The following ARHGEF3 variants were observed in gnomAD, a reference collection of about 807,000 sequenced individuals.
The protein encoded by ARHGEF3 is Rho guanine nucleotide exchange factor 3.
ARHGEF3 carries 28 observed loss-of-function variants against 63.2 expected under a neutral mutation model. The ratio of observed to expected loss-of-function variants is 0.44; its 90% CI spans 0.33 to 0.61. The LOEUF (loss-of-function observed/expected upper bound fraction) is 0.61, where lower values mean the gene tolerates loss of function less well. Ranked by LOEUF, ARHGEF3 falls within the 20% of genes least tolerant of loss-of-function variation. The probability of loss-of-function intolerance (pLI) is 0.03; values close to 1 mark genes in which losing one functional copy is unlikely to be tolerated. For synonymous variants in ARHGEF3, 266 were observed against 254.2 expected (o/e 1.05, Z -0.44); for missense variants, 533 against 659.3 (o/e 0.81, Z 2.10).
intron 4 of ARHGEF3, among the ~76,000 whole-genome samples, chr3:56,836,825 G>A (rs571999153): frequency 7.2e-4 from 110 of 152,254 alleles, no homozygotes; most frequent in African/African-American, 2.5e-3. Context: ...TACCTAGGAG[G>A]CTGAGGTGGG....
At chr3:56,845,560 C>T (rs1264947359) in intron 4 of ARHGEF3, among the ~76,000 whole-genome samples, 1 of 152,140 alleles carries the variant, frequency 6.6e-6, no homozygotes, top group Non-Finnish European at 1.5e-5. Flanking sequence ...TTGATTTTCC[C>T]TTTCCTTTCA....
chr3:56,928,149 G>A (rs139211278), intron 3 of ARHGEF3, among the ~76,000 whole-genome samples: 15 of 152,256 alleles, frequency 9.9e-5, no homozygotes, highest in South Asian at 4.1e-4. Context: ...AGAAGGGCAC[G>A]TGTTTCCCCA....
At chr3:56,933,918 G>A (rs765129537) in intron 3 of ARHGEF3, among the ~76,000 whole-genome samples, 35 of 152,146 alleles carry the variant, frequency 2.3e-4, no homozygotes, top group Admixed American at 1.2e-3. Flanking sequence ...ATGACAGTGA[G>A]TGAGTTCTCA....
chr3:57,030,832 GA>G (rs1703701159), intron 2 of ARHGEF3, among the ~76,000 whole-genome samples: 1 of 152,196 alleles, frequency 6.6e-6, no homozygotes, highest in Admixed American at 6.5e-5. Flanking sequence ...TCCAGAAATA[GA>G]AGCAGCAAGA....
chr3:57,064,053 G>C (rs1253040759), intron 1 of ARHGEF3, among the ~76,000 whole-genome samples: 1 of 152,212 alleles, frequency 6.6e-6, no homozygotes, highest in Non-Finnish European at 1.5e-5. Flanking sequence ...GACTGCCTGA[G>C]CTCAGGGGCT....
At chr3:56,767,050 C>T (rs1275620826) in intron 2 of ARHGEF3, among the ~76,000 whole-genome samples, 1 of 151,934 alleles carries the variant, frequency 6.6e-6, no homozygotes, top group African/African-American at 2.4e-5. Context: ...TAGCTCATGC[C>T]TATAATCCCA....
chr3:57,003,278 C>G (rs1702331904), intron 2 of ARHGEF3, among the ~76,000 whole-genome samples: 1 of 151,426 alleles, frequency 6.6e-6, no homozygotes, highest in Admixed American at 6.6e-5. Flanking sequence ...CGGCGCACTC[C>G]TGTAGTCCCA....
intron 3 of ARHGEF3, among the ~76,000 whole-genome samples, chr3:56,918,853 G>A (rs907420455): frequency 6.6e-6 from 1 of 152,156 alleles, no homozygotes. Flanking sequence ...TAGTAACATA[G>A]CATCACTGTC....
intron 4 of ARHGEF3, among the ~76,000 whole-genome samples, chr3:56,846,311 G>C (rs1007175825): frequency 1.3e-5 from 2 of 152,182 alleles, no homozygotes; most frequent in Admixed American, 1.3e-4. Flanking sequence ...AAATGGGGCA[G>C]GAGGAAATAG....
intron 2 of ARHGEF3, among the ~76,000 whole-genome samples, chr3:56,968,225 TATATATATAAATA>T (rs1700721456): frequency 5.9e-5 from 1 of 16,972 alleles, no homozygotes; most frequent in Non-Finnish European, 1.3e-4. Context: ...TTATATATAA[TATATATATAAATA>T]TATATATTAA....
At chr3:56,748,344 A>G (rs918731863) in intron 6 of ARHGEF3, among the ~76,000 whole-genome samples, 1 of 152,194 alleles carries the variant, frequency 6.6e-6, no homozygotes, top group Non-Finnish European at 1.5e-5. Flanking sequence ...GAATATTTTT[A>G]TTGAAGAAAC....
At chr3:57,054,492 G>A (rs972801021) in intron 1 of ARHGEF3, among the ~76,000 whole-genome samples, 1 of 144,214 alleles carries the variant, frequency 6.9e-6, no homozygotes, top group Admixed American at 6.9e-5. Flanking sequence ...AAAAAAAAAA[G>A]TCGGGCATGA....
At chr3:56,987,176 T>C (rs4286400) in intron 2 of ARHGEF3, among the ~76,000 whole-genome samples, 142,629 of 152,286 alleles carry the variant, frequency 0.94, 67,523 homozygotes, top group East Asian at 1. Flanking sequence ...CGTCCCACTA[T>C]ACTCCAGCCT....
chr3:56,836,101 A>G (rs1471087119), intron 4 of ARHGEF3, among the ~76,000 whole-genome samples: 2 of 152,058 alleles, frequency 1.3e-5, no homozygotes, highest in African/African-American at 2.4e-5. Context: ...CTGCCTTATC[A>G]CTCCTGGTCT....
intron 8 of ARHGEF3, among the ~76,000 whole-genome samples, chr3:56,735,947 C>G (rs2033591884): frequency 6.6e-6 from 1 of 152,060 alleles, no homozygotes; most frequent in African/African-American, 2.4e-5. Flanking sequence ...ACCCTTCAAT[C>G]TAGTTCTAGC....
chr3:56,739,946 C>G (rs1372417313), intron 7 of ARHGEF3, among the ~76,000 whole-genome samples: 1 of 150,860 alleles, frequency 6.6e-6, no homozygotes, highest in Non-Finnish European at 1.5e-5. Context: ...GTCACCCAGG[C>G]TGGAGTGCAA....
chr3:57,072,489 C>G (rs1264037020), intron 1 of ARHGEF3, among the ~76,000 whole-genome samples: 1 of 151,586 alleles, frequency 6.6e-6, no homozygotes, highest in Non-Finnish European at 1.5e-5. Context: ...GTCCGTAATC[C>G]CAGCACTTCA....
At chr3:56,947,510 A>G (rs1699573986) in intron 3 of ARHGEF3, among the ~76,000 whole-genome samples, 1 of 152,208 alleles carries the variant, frequency 6.6e-6, no homozygotes, top group Admixed American at 6.5e-5. Context: ...TTAAACCAAC[A>G]AAGATCAAAA....
intron 2 of ARHGEF3, among the ~76,000 whole-genome samples, chr3:57,011,999 C>G (rs1702721093): frequency 6.6e-6 from 1 of 151,756 alleles, no homozygotes; most frequent in African/African-American, 2.4e-5. Context: ...AGGATTCAGA[C>G]TCCCTCATAG....
Sources: gnomAD v4.1 joint callset for allele counts (sites outside exome capture counted in the v4.1 genomes callset) on GRCh38, gnomAD v4.1.1 for gene constraint, MANE v1.5 for transcripts, NCBI Gene and HGNC (gene_info 2026-07-23, HGNC 2026-07-21) for gene names.